Variants in C6 observed in about 807,000 individuals in gnomAD.
C6 encodes the protein complement component C6.
A neutral mutation model predicts 112.9 loss-of-function variants in C6; 101 were observed. The observed-to-expected ratio is 0.89, with a 90% CI of 0.76 to 1.06. The LOEUF (loss-of-function observed/expected upper bound fraction) is 1.06, where lower values mean the gene tolerates loss of function less well. Among genes scored for constraint, C6 ranks in the 50% least tolerant of loss-of-function variants. The pLI is 0.00. For synonymous variants in C6, 431 were observed against 384.1 expected (o/e 1.12, Z -1.43); for missense variants, 1,202 against 1,104.6 (o/e 1.09, Z -1.25).
chr5:41,162,564 A>C (rs551130547), intron 9 of C6, among the ~76,000 whole-genome samples: 1 of 152,192 alleles, frequency 6.6e-6, no homozygotes, highest in Non-Finnish European at 1.5e-5. Context: ...TCCACTAACC[A>C]AATGGTAACT....
At position 41,236,375 on chromosome 5, in the gene C6, A is replaced by G. The variant is rs1488039591; in HGVS notation, c.-21+24819T>C. ...CTTGTTTTTCTCAGGTTTGTCAAAG[A>G]TCAGATAGTTGTAGATATGCGGCAT... On this transcript the variant is annotated intron_variant, in intron 1 of 17. Coordinates refer to the C6 transcript ENST00000263413. 4.0e-5 allele frequency among the ~76,000 whole-genome samples: 6 copies of G among 151,654 alleles called. No homozygotes were observed. In the East Asian group the frequency reaches 1.2e-3, roughly 30 times the overall value.
At chr5:41,178,567 C>G (rs1348932899) in intron 7 of C6, among the ~76,000 whole-genome samples, 2 of 140,938 alleles carry the variant, frequency 1.4e-5, no homozygotes, top group Non-Finnish European at 3.0e-5. Context: ...CCTTTGCCTC[C>G]TGGGTTCAAG....
At chr5:41,146,531 C>G (rs73750292) in intron 17 of C6, among the ~76,000 whole-genome samples, 1 of 152,094 alleles carries the variant, frequency 6.6e-6, no homozygotes, top group African/African-American at 2.4e-5. Context: ...TAGTGCTAAT[C>G]CAAACAGAAC....
chr5:41,204,738 C>A (rs980886645), intron 1 of C6, among the ~76,000 whole-genome samples: 2 of 137,222 alleles, frequency 1.5e-5, no homozygotes, highest in South Asian at 2.3e-4. Context: ...GGTGTGATCT[C>A]GGCTCACTGC....
At position 41,166,291 on chromosome 5, in the gene C6, C is replaced by T. The variant is rs1345678516; in HGVS notation, c.1292-4432G>A. Among the ~76,000 whole-genome samples the T allele has an allele frequency of 2.0e-5, 3 of 152,112 alleles. No homozygotes were observed. In the East Asian group the frequency reaches 5.8e-4, roughly 29 times the overall value. On this transcript the variant is annotated intron_variant, in intron 9 of 17. Transcript: ENST00000337836. ...TTTGTATGGACTAAACCTACCTTGT[C>T]AGCTTTATTTCACAAATTTATGCTC...
intron 1 of C6, among the ~76,000 whole-genome samples, chr5:41,251,908 A>AAGAT (rs1429738283): frequency 6.6e-6 from 1 of 152,200 alleles, no homozygotes; most frequent in Non-Finnish European, 1.5e-5. Flanking sequence ...TGCTAAGGGA[A>AAGAT]AAGATATGGT....
In C6 at chr5:41,149,440, G is replaced by T; in HGVS notation, c.2424C>A (p.Asn808Lys). ...TACAAGCGGGTGAAGTAAAGTAATCGTTGGAGTCTGTGTCAAACACACAGA... is the reference window on the plus strand; with the variant it reads ...TACAAGCGGGTGAAGTAAAGTAATCTTTGGAGTCTGTGTCAAACACACAGA... ...EDLCVFDTDS[N>K]DYFTSPACKF... Residue 808 changes from asparagine (N) to lysine (K), a missense_variant, in exon 17 of 18, where the codon AAC becomes AAA. By Grantham distance (94) the Asn-to-Lys change is moderately conservative (BLOSUM62 0). Transcript: ENST00000337836. 6.2e-7 allele frequency: 1 copy of T among 1,613,996 alleles called. No individual in the cohort carries two copies. The highest frequency in any genetic ancestry group is 8.5e-7 in the Non-Finnish European group (1 of 1,179,918).
At chr5:41,186,013 AATTTAGCTT>A in intron 6 of C6, 48 bp downstream of exon 6, 2 of 1,607,930 alleles carry the variant, frequency 1.2e-6, no homozygotes, top group Non-Finnish European at 1.7e-6. Flanking sequence ...TTGCATGAGA[AATTTAGCTT>A]ATAATCACTG....
upstream of C6, among the ~76,000 whole-genome samples, chr5:41,216,622 G>A (rs1752203786): frequency 2.0e-5 from 3 of 152,000 alleles, no homozygotes; most frequent in Admixed American, 2.0e-4. Flanking sequence ...AAATACATGA[G>A]GCAATTTTAT....
At chr5:41,175,490 A>G (rs139588488) in intron 8 of C6, among the ~76,000 whole-genome samples, 1 of 152,192 alleles carries the variant, frequency 6.6e-6, no homozygotes, top group African/African-American at 2.4e-5. Flanking sequence ...CTCTACAGAG[A>G]AAGAGATGGA....
At chr5:41,243,786 CAG>C (rs1740870494) in intron 1 of C6, among the ~76,000 whole-genome samples, 1 of 152,174 alleles carries the variant, frequency 6.6e-6, no homozygotes, top group African/African-American at 2.4e-5. Context: ...CCAGAAATAA[CAG>C]AGAGTTAATG....
At chr5:41,207,850 A>C (rs1028168334) in intron 1 of C6, among the ~76,000 whole-genome samples, 5 of 152,196 alleles carry the variant, frequency 3.3e-5, no homozygotes, top group African/African-American at 1.2e-4. Context: ...ATATCCAGGA[A>C]TTGAACTCAG....
intron 3 of C6, among the ~76,000 whole-genome samples, chr5:41,200,888 GTTGTT>G (rs1382236843): frequency 0.026 from 1,750 of 66,316 alleles, 5 homozygotes; most frequent in Admixed American, 0.032. Context: ...TGTTGTTGTT[GTTGTT>G]TTTTTTTTTT....
At chr5:41,240,662 G>C (rs113626908) in intron 1 of C6, among the ~76,000 whole-genome samples, 1 of 152,160 alleles carries the variant, frequency 6.6e-6, no homozygotes, top group African/African-American at 2.4e-5. Flanking sequence ...TGGTGGACAG[G>C]GTGAGGCAAT....
At chr5:41,171,532 A>T (rs1748423334) in intron 9 of C6, among the ~76,000 whole-genome samples, 1 of 152,220 alleles carries the variant, frequency 6.6e-6, no homozygotes, top group Non-Finnish European at 1.5e-5. Context: ...TTTAGTGGAC[A>T]GTAGATGTCT....
At chr5:41,176,111 C>G (rs181329248) in intron 8 of C6, among the ~76,000 whole-genome samples, 2 of 152,122 alleles carry the variant, frequency 1.3e-5, no homozygotes, top group Admixed American at 1.3e-4. Flanking sequence ...CATAAATTAT[C>G]TTTTAGAATT....
At chr5:41,241,170 C>A (rs918313785) in intron 1 of C6, among the ~76,000 whole-genome samples, 2 of 152,162 alleles carry the variant, frequency 1.3e-5, no homozygotes, top group Admixed American at 1.3e-4. Flanking sequence ...AGGCTATCCT[C>A]AGCATGTATG....
Position 41,161,723 on chromosome 5 carries a change from C to T in C6, c.1428G>A (p.Val476=). The change falls in exon 10 of 18, where the codon GTG becomes GTA. Residue 476 remains valine, a synonymous_variant. Coordinates refer to ENST00000337836, the MANE Select transcript of C6 (RefSeq NM_000065.5). ...AGTCAATCACAGCAGGATTTTCCTT[C>T]ACTGATTCTAACCACTCAGAAAATG... The part of the protein sequence containing the change: ...EKTFSEWLES[V]KENPAVIDFE... 1 of 1,613,552 alleles carries T rather than the reference C, an allele frequency of 6.2e-7. No homozygotes were observed. Among genetic ancestry groups the T allele is most frequent in the Non-Finnish European group, 8.5e-7 (1 of 1,179,622 alleles).
At chr5:41,172,150 A>G in intron 9 of C6, 75 bp downstream of exon 9, 2 of 1,453,388 alleles carry the variant, frequency 1.4e-6, no homozygotes, top group Non-Finnish European at 1.9e-6. Context: ...TAGCACAGTC[A>G]CATCCAATAT....
Sources: gnomAD v4.1 joint callset for allele counts (sites outside exome capture counted in the v4.1 genomes callset) on GRCh38, gnomAD v4.1.1 for gene constraint, MANE v1.5 for transcripts, NCBI Gene and HGNC (gene_info 2026-07-23, HGNC 2026-07-21) for gene names.